Variants in C5orf22 observed in about 807,000 individuals in gnomAD.
C5orf22 encodes the protein UPF0489 protein C5orf22.
Under a neutral mutation model 48.7 loss-of-function variants are expected in C5orf22, and 36 were observed. That is an observed-to-expected ratio of 0.74 (90% CI 0.57 to 0.98). The LOEUF is 0.98. Ranked by LOEUF, C5orf22 falls within the 50% of genes least tolerant of loss-of-function variation. C5orf22 has a pLI of 0.00. For synonymous variants in C5orf22, 141 were observed against 180.8 expected, an observed-to-expected ratio of 0.78 and a Z score of 1.76; for missense variants, 486 against 521.9, an observed-to-expected ratio of 0.93 and a Z score of 0.67.
intron 7 of C5orf22, among the ~76,000 whole-genome samples, chr5:31,549,319 G>A (rs150873808): frequency 1.3e-5 from 2 of 152,260 alleles, no homozygotes; most frequent in East Asian, 3.9e-4. Context: ...CCTCCCACCA[G>A]GTTTCTCCCA....
chr5:31,535,782 A>T lies in C5orf22; in HGVS notation c.266A>T (p.Tyr89Phe), dbSNP rs1251816348. Residue 89 changes from tyrosine to phenylalanine, a missense_variant, in exon 3 of 9, where the codon TAT (tyrosine) becomes TTT (phenylalanine). Tyr to Phe is a conservative substitution (Grantham distance 22, BLOSUM62 3). Around this residue, in one of 3 missense-constraint regions of C5orf22, gnomAD observed 408 missense variants for 444.0 expected, o/e 0.92. Coordinates refer to ENST00000325366, the MANE Select transcript of C5orf22 (RefSeq NM_018356.3). ...GAAAATTGGATTATGCCTGCAGTTTATGCTGGCCATTTTTCACATGTAATA... is the reference window on the plus strand; with the variant it reads ...GAAAATTGGATTATGCCTGCAGTTTTTGCTGGCCATTTTTCACATGTAATA... The part of the protein sequence containing the change: ...SIENWIMPAV[Y>F]AGHFSHVIWF... 3 of 1,612,530 alleles carry T rather than the reference A, an allele frequency of 1.9e-6. No individual in the cohort carries two copies. In the Admixed American group the frequency reaches 5.0e-5, roughly 27 times the overall value.
chr5:31,535,841 G>A lies in C5orf22; in HGVS notation c.325G>A (p.Glu109Lys), dbSNP rs1441022864. ...TCCCACATGGGCTCAGCAGATCAGAGAGGGCAGACACCACTTTTTAGTAGG... is the reference window on the plus strand; with the variant it reads ...TCCCACATGGGCTCAGCAGATCAGAAAGGGCAGACACCACTTTTTAGTAGG... Reference protein sequence around the residue: ...FHPTWAQQIREGRHHFLVGKD... With the variant: ...FHPTWAQQIRKGRHHFLVGKD... The change falls in exon 3 of 9, where the codon GAG becomes AAG. Residue 109 changes from glutamate (E) to lysine (K), a missense_variant. Glu to Lys is a moderately conservative substitution (Grantham distance 56). Transcript: ENST00000325366. 3 of 1,613,800 alleles carry A rather than the reference G, an allele frequency of 1.9e-6. No homozygotes were observed. Among genetic ancestry groups the A allele is most frequent in the Admixed American group, 1.7e-5 (1 of 59,956 alleles).
intron 7 of C5orf22, among the ~76,000 whole-genome samples, chr5:31,550,787 C>T (rs1294011285): frequency 1.3e-5 from 2 of 152,162 alleles, no homozygotes. Context: ...GTCTCCAACT[C>T]CCGACCTCAG....
chr5:31,538,084 G>T (rs2150072766), intron 3 of C5orf22, 176 bp from the exon 4 acceptor site: 1 of 577,810 alleles, frequency 1.7e-6, no homozygotes, highest in East Asian at 2.7e-5. Context: ...GGGCAGCTGT[G>T]TGTCCAGCTA....
At chr5:31,534,117 C>T (rs1182195761) in intron 1 of C5orf22, among the ~76,000 whole-genome samples, 155 bp from the exon 2 acceptor site, 1 of 152,154 alleles carries the variant, frequency 6.6e-6, no homozygotes, top group African/African-American at 2.4e-5. Context: ...TCATCTGCAC[C>T]ATCTACAGTA....
At chr5:31,548,748 C>T (rs185858860) in intron 7 of C5orf22, 10 of 311,994 alleles carry the variant, frequency 3.2e-5, no homozygotes, top group Middle Eastern at 1.1e-3. Context: ...TCTGTTTTCA[C>T]GCTGCTGATA....
chr5:31,534,296 A>G lies in C5orf22; in HGVS notation c.106A>G (p.Ile36Val). 4 of 1,613,970 alleles carry G rather than the reference A, an allele frequency of 2.5e-6. No homozygotes were observed. The highest frequency in any genetic ancestry group is 3.4e-6 in the Non-Finnish European group (4 of 1,179,900). ...QEVLPFIYRAIGSKHLPASNV... is the reference protein window; with the variant it reads ...QEVLPFIYRAVGSKHLPASNV... ...GGTTCTACCCTTTATATACCGGGCCATAGGCTCAAAGCATCTTCCTGCCAG... is the reference window on the plus strand; with the variant it reads ...GGTTCTACCCTTTATATACCGGGCCGTAGGCTCAAAGCATCTTCCTGCCAG... Residue 36 changes from isoleucine to valine, a missense_variant, in exon 2 of 9, where the codon ATA becomes GTA. Physicochemically the swap from Ile to Val is conservative, Grantham distance 29. This residue lies in a region of C5orf22 where 74 missense variants were observed against 61.2 expected (regional missense o/e 1.21). Transcript: ENST00000325366.
chr5:31,552,712 T>C, intron 8 of C5orf22, 61 bp from the exon 9 acceptor site: 1 of 1,467,090 alleles, frequency 6.8e-7, no homozygotes, highest in Admixed American at 1.8e-5. Flanking sequence ...ATGCAGCTTT[T>C]CCTCACAGTA....
rs1015632228 is a variant in C5orf22 at position 31,554,986 on chromosome 5, G to A, written c.*2084G>A. ...TTCTGAGTACCAGTGAGGGGATACCGTGGTACAGTGTTTTGAATTGTGTAC... is the reference window on the plus strand; with the variant it reads ...TTCTGAGTACCAGTGAGGGGATACCATGGTACAGTGTTTTGAATTGTGTAC... On this transcript the variant is annotated 3_prime_UTR_variant, in exon 9 of 9. Transcript: ENST00000325366. 10 of 152,206 alleles carry A rather than the reference G, an allele frequency of 6.6e-5. No individual in the cohort carries two copies. The highest frequency in any genetic ancestry group is 9.7e-5 in the African/African-American group (4 of 41,448). 9.4% of individuals were successfully genotyped at this position (152,206 alleles called of 1,614,324 possible). A position where few individuals can be genotyped will look rare whatever the true frequency, so the allele number is the denominator to read the frequency against.
rs568081069 is a variant in C5orf22, at chr5:31,553,682, A to T, written c.*780A>T. On this transcript the variant is annotated 3_prime_UTR_variant, in exon 9 of 9. Transcript: ENST00000325366. ...TCCATGAAAGTATCATAGGAAGTCT[A>T]CCTTTCCAAGGAATTTGGCATTGTG... The T allele has an allele frequency of 6.6e-6, 1 of 152,172 alleles. No homozygotes were observed. Among genetic ancestry groups the T allele is most frequent in the African/African-American group, 2.4e-5 (1 of 41,434 alleles). 9.4% of individuals were successfully genotyped at this position (152,172 alleles called of 1,614,324 possible). A position where few individuals can be genotyped will look rare whatever the true frequency, so the allele number is the denominator to read the frequency against.
intron 7 of C5orf22, among the ~76,000 whole-genome samples, chr5:31,550,583 G>A (rs1055233943): frequency 1.3e-5 from 2 of 149,994 alleles, no homozygotes; most frequent in African/African-American, 4.9e-5. Context: ...TTTTCTTTTT[G>A]AGACGGAGTT....
chr5:31,539,264 T>C (rs1466761456), intron 4 of C5orf22, among the ~76,000 whole-genome samples: 1 of 152,192 alleles, frequency 6.6e-6, no homozygotes, highest in Admixed American at 6.5e-5. Flanking sequence ...TACTACACTA[T>C]TTTATGTCAG....
At chr5:31,538,787 AT>A in intron 4 of C5orf22, 98 bp downstream of exon 4, 1 of 897,212 alleles carries the variant, frequency 1.1e-6, no homozygotes, top group Non-Finnish European at 1.7e-6. Context: ...GCTAGCAATT[AT>A]TTTAGGCTTT....
At chr5:31,547,106 T>C (rs1742933983) in intron 7 of C5orf22, among the ~76,000 whole-genome samples, 1 of 152,216 alleles carries the variant, frequency 6.6e-6, no homozygotes, top group Admixed American at 6.5e-5. Flanking sequence ...ACAACCGTTC[T>C]AAATGGGAGG....
intron 5 of C5orf22, 130 bp downstream of exon 5, chr5:31,541,141 T>C (rs1205717177): frequency 4.0e-6 from 4 of 997,878 alleles, no homozygotes; most frequent in Non-Finnish European, 6.1e-6. Context: ...TGTGTGTGTG[T>C]GTGTGTGTAT....
intron 3 of C5orf22, among the ~76,000 whole-genome samples, chr5:31,536,097 A>G (rs1742061445): frequency 6.6e-6 from 1 of 152,236 alleles, no homozygotes; most frequent in Non-Finnish European, 1.5e-5. Flanking sequence ...TGCTGGTCAA[A>G]TTAGATTTTG....
rs1448065098 is a variant in C5orf22 at position 31,552,888 on chromosome 5, TCTC to T, written c.1320_1322del (p.Pro441del). The stretch of plus-strand genomic sequence containing the variant: ...AGACCTCCAAGTGTATGCAGCAGAG[TCTC>T]CTCCATCTTGAAACAAACAAAACAT... On this transcript the variant is annotated inframe_deletion, in exon 9 of 9. Transcript: ENST00000325366. The T allele has an allele frequency of 6.2e-7, 1 of 1,613,362 alleles. No homozygotes were observed. Among genetic ancestry groups the T allele is most frequent in the African/African-American group, 1.3e-5 (1 of 74,874 alleles).
At chr5:31,533,514 G>A (rs1451618841) in intron 1 of C5orf22, among the ~76,000 whole-genome samples, 1 of 152,166 alleles carries the variant, frequency 6.6e-6, no homozygotes, top group Non-Finnish European at 1.5e-5. Flanking sequence ...AATAGGAGAG[G>A]AAGATAGGTT....
At position 31,552,851 on chromosome 5, in the gene C5orf22, C is replaced by G. The variant is rs1476926829; in HGVS notation, c.1278C>G (p.Leu426=). Residue 426 remains leucine (L), a synonymous_variant, in exon 9 of 9, where the codon CTC becomes CTG. Transcript: ENST00000325366. ...AGGTCCTCAATATGCTACGTGCCCT[C>G]TATGGAAATCTAGACCTCCAAGTGT... ...QEKVLNMLRA[L]YGNLDLQVYA... The G allele has an allele frequency of 6.2e-7, 1 of 1,613,714 alleles. No individual in the cohort carries two copies.
Sources: allele counts gnomAD v4.1 joint callset (sites outside exome capture counted in the v4.1 genomes callset), GRCh38; gene constraint gnomAD v4.1.1; regional missense constraint gnomAD v4.1.1; transcripts MANE v1.5; gene names NCBI Gene and HGNC (gene_info 2026-07-23, HGNC 2026-07-21).